The following TAPBPL variants were observed in gnomAD, a reference collection of about 807,000 sequenced individuals.
TAPBPL encodes tapasin-related protein.
In TAPBPL, 32 loss-of-function variants were observed where a neutral mutation model predicts 44.8. The observed-to-expected ratio is 0.71, with a 90% confidence interval of 0.54 to 0.96. The LOEUF (loss-of-function observed/expected upper bound fraction) is 0.96, where lower values mean the gene tolerates loss of function less well. Among genes scored for constraint, TAPBPL ranks in the 40% least tolerant of loss-of-function variants. The pLI is 0.00. For synonymous variants in TAPBPL, 230 were observed against 240.7 expected, an observed-to-expected ratio of 0.96 and a Z score of 0.41; for missense variants, 520 against 586.6, an observed-to-expected ratio of 0.89 and a Z score of 1.17.
chr12:6,453,217 A>G lies in TAPBPL; in HGVS notation c.215A>G (p.Asp72Gly), dbSNP rs1949609236. ...CTGAAGCAGGTGCCAGTGCTGGACG[A>G]TGGCTCCCTGGAGGACTTCACCGAT... The part of the protein sequence containing the change: ...LVLKQVPVLD[D>G]GSLEDFTDFQ... The change falls in exon 2 of 7, where the codon GAT (aspartate) becomes GGT (glycine). Residue 72 changes from aspartate to glycine, a missense_variant. Coordinates refer to ENST00000266556, the MANE Select transcript of TAPBPL (RefSeq NM_018009.5). This position sits in a 1 kb window ranked among gnomAD's most constrained non-coding sequence, Gnocchi z 4.8. 6.2e-7 allele frequency: 1 copy of G among 1,613,814 alleles called. No individual in the cohort carries two copies. Among genetic ancestry groups the G allele is most frequent in the Admixed American group, 1.7e-5 (1 of 59,972 alleles).
chr12:6,452,164 GC>G lies in TAPBPL; in HGVS notation c.-80del. On this transcript the variant is annotated 5_prime_UTR_variant, in exon 1 of 7. Transcript: ENST00000266556. ...GCAGGCTGCCAGGTGTGCTTGGAGA[GC>G]CCCCTTCTTCCGCCGGGCCTCGCAA... 1.3e-6 allele frequency: 2 copies of G among 1,492,272 alleles called. No homozygotes were observed. The highest frequency in any genetic ancestry group is 1.8e-6 in the Non-Finnish European group (2 of 1,094,722). 92.4% of individuals were successfully genotyped at this position (1,492,272 alleles called of 1,614,324 possible).
chr12:6,453,814 T>A lies in TAPBPL; in HGVS notation c.565+98T>A. ...CGGTGGATCACCTGAGGTCAGGAGT[T>A]TGAGATCAGCCTGGTCAACACGGTG... On this transcript the variant is annotated intron_variant, in intron 3 of 6. Coordinates refer to ENST00000266556, the MANE Select transcript of TAPBPL (RefSeq NM_018009.5). This position sits in a 1 kb window ranked among gnomAD's most constrained non-coding sequence, Gnocchi z 4.8. 1 of 1,405,022 alleles carries A rather than the reference T, an allele frequency of 7.1e-7. No individual in the cohort carries two copies. The allele number at this position is 1,405,022 out of a possible 1,614,324, so 87.0% of individuals were successfully genotyped here. A position where few individuals can be genotyped will look rare whatever the true frequency, so the allele number is the denominator to read the frequency against.
At chr12:6,469,292 T>TC (rs1945709123), downstream of TAPBPL, among the ~76,000 whole-genome samples, 2 of 152,124 alleles carry the variant, frequency 1.3e-5, no homozygotes, top group Admixed American at 1.3e-4. Flanking sequence ...TTGGAAGCAG[T>TC]CCAGGATGGT....
downstream of TAPBPL, chr12:6,466,471 C>T (rs1487076037): frequency 8.5e-7 from 1 of 1,176,756 alleles, no homozygotes; most frequent in East Asian, 2.6e-5. Context: ...GCGCTTGAGC[C>T]CAGGAGTTCG....
downstream of TAPBPL, among the ~76,000 whole-genome samples, chr12:6,468,227 A>T (rs1371358838): frequency 2.6e-5 from 4 of 152,242 alleles, no homozygotes; most frequent in African/African-American, 7.2e-5. Context: ...GGGAGCCAGG[A>T]GGGAGGCTGT....
rs1949731905 is a variant in TAPBPL at position 6,457,571 on chromosome 12, G to A, written c.731G>A (p.Gly244Glu). 1.2e-6 allele frequency: 2 copies of A among 1,614,206 alleles called. No homozygotes were observed. The highest frequency in any genetic ancestry group is 1.7e-6 in the Non-Finnish European group (2 of 1,180,038). ...RGQLVYSWTAGQGQAVRKGAT... is the reference protein window; with the variant it reads ...RGQLVYSWTAEQGQAVRKGAT... ...CAGTTGGTGTACAGCTGGACCGCAGGGCAGGGGCAGGCTGTGCGGAAGGGC... is the reference window on the plus strand; with the variant it reads ...CAGTTGGTGTACAGCTGGACCGCAGAGCAGGGGCAGGCTGTGCGGAAGGGC... The change falls in exon 4 of 7, where the codon GGG becomes GAG. Residue 244 changes from glycine (G) to glutamate (E), a missense_variant. Coordinates refer to ENST00000266556, the MANE Select transcript of TAPBPL (RefSeq NM_018009.5).
At chr12:6,457,299 A>G in intron 3 of TAPBPL, 107 bp from the exon 4 acceptor site, 1 of 1,064,770 alleles carries the variant, frequency 9.4e-7, no homozygotes, top group Non-Finnish European at 1.4e-6. Context: ...CCGGCCTGTC[A>G]GGCGAGGAAG....
At chr12:6,469,391 G>C (rs1490980450), downstream of TAPBPL, among the ~76,000 whole-genome samples, 1 of 152,284 alleles carries the variant, frequency 6.6e-6, no homozygotes, top group South Asian at 2.1e-4. Flanking sequence ...ATCCCACGTA[G>C]ATACTATCTG....
chr12:6,471,118 GC>G (rs1256456741), downstream of TAPBPL: 1 of 154,286 alleles, frequency 6.5e-6, no homozygotes, highest in Non-Finnish European at 1.4e-5. The surrounding 1 kb of genome is among the most constrained non-coding windows in gnomAD (Gnocchi z 4.0). Context: ...CCCTGCTCTG[GC>G]CCTCGCTCCG....
downstream of TAPBPL, chr12:6,463,190 T>C: frequency 7.0e-7 from 1 of 1,437,752 alleles, no homozygotes; most frequent in Non-Finnish European, 9.1e-7. The surrounding 1 kb of genome is among the most constrained non-coding windows in gnomAD (Gnocchi z 4.0). Context: ...GGAGGCAAAG[T>C]AGAATTCAGA....
At chr12:6,455,752 A>C (rs2136982332) in intron 3 of TAPBPL, among the ~76,000 whole-genome samples, 1 of 144,252 alleles carries the variant, frequency 6.9e-6, no homozygotes, top group African/African-American at 2.5e-5. Context: ...CAACATAGAG[A>C]GCGAGACCCT....
At chr12:6,465,991 T>C, downstream of TAPBPL, 6 of 1,614,238 alleles carry the variant, frequency 3.7e-6, no homozygotes, top group Non-Finnish European at 5.1e-6. Context: ...ACACGTATGA[T>C]GTCCACCACC....
At chr12:6,459,506 T>C (rs1949786746) in intron 5 of TAPBPL, among the ~76,000 whole-genome samples, 1 of 152,222 alleles carries the variant, frequency 6.6e-6, no homozygotes. Flanking sequence ...AGCACTTAAA[T>C]GTATGATTTC....
downstream of TAPBPL, chr12:6,470,558 G>A: frequency 6.2e-7 from 1 of 1,613,914 alleles, no homozygotes; most frequent in Non-Finnish European, 8.5e-7. Context: ...GTGAGGGTCT[G>A]TTCCTCTCCG....
chr12:6,460,593 C>A (rs1192508865), intron 5 of TAPBPL, among the ~76,000 whole-genome samples: 1 of 152,188 alleles, frequency 6.6e-6, no homozygotes, highest in Non-Finnish European at 1.5e-5. Flanking sequence ...AATAAACCCA[C>A]CTAAATCTCA....
rs181806356 is a variant in TAPBPL, at chr12:6,458,178, C to A, written c.904+434C>A. Among the ~76,000 whole-genome samples, 3 of 152,308 alleles carry A rather than the reference C, an allele frequency of 2.0e-5. No individual in the cohort carries two copies. In the East Asian group the frequency reaches 5.8e-4, roughly 29 times the overall value. On this transcript the variant is annotated intron_variant, in intron 4 of 6. Transcript: ENST00000266556. ...GGATCACGAGGTCAGGAGTTCAAGA[C>A]CAGCCTGGCCAATACGGTGAAACTC...
downstream of TAPBPL, chr12:6,463,655 A>T: frequency 9.2e-7 from 1 of 1,086,044 alleles, no homozygotes; most frequent in Non-Finnish European, 1.1e-6. This position sits in a 1 kb window ranked among gnomAD's most constrained non-coding sequence, Gnocchi z 4.0. Context: ...GCTAGGTTAA[A>T]TTATTTGGCT....
At chr12:6,457,046 C>G (rs759136926) in intron 3 of TAPBPL, among the ~76,000 whole-genome samples, 1 of 152,210 alleles carries the variant, frequency 6.6e-6, no homozygotes, top group Admixed American at 6.5e-5. Context: ...TCAAAGGTCA[C>G]GGAGCCAGTA....
At chr12:6,455,026 A>G (rs1334594420) in intron 3 of TAPBPL, among the ~76,000 whole-genome samples, 1 of 152,154 alleles carries the variant, frequency 6.6e-6, no homozygotes, top group African/African-American at 2.4e-5. Flanking sequence ...TCCAGTGTCT[A>G]CCATACTCCT....
Sources: allele counts gnomAD v4.1 joint callset (sites outside exome capture counted in the v4.1 genomes callset), GRCh38; gene constraint gnomAD v4.1.1; non-coding constraint Gnocchi (gnomAD v3.1); transcripts MANE v1.5; gene names NCBI Gene and HGNC (gene_info 2026-07-23, HGNC 2026-07-21).